Variants in DMGDH observed in about 807,000 individuals in gnomAD.
DMGDH encodes dimethylglycine dehydrogenase, mitochondrial.
DMGDH carries 76 observed loss-of-function variants against 95.2 expected under a neutral mutation model. That is an observed-to-expected ratio of 0.80 (90% confidence interval 0.66 to 0.97). The LOEUF (loss-of-function observed/expected upper bound fraction) is 0.97. Among genes scored for constraint, DMGDH ranks in the 50% least tolerant of loss-of-function variants. The probability of loss-of-function intolerance (pLI) is 0.00; values close to 1 mark genes in which losing one functional copy is unlikely to be tolerated. For synonymous variants in DMGDH, 345 were observed against 377.6 expected (o/e 0.91, Z 1.00); for missense variants, 987 against 1,055.0 (o/e 0.94, Z 0.89).
At chr5:79,033,127 G>C in intron 8 of DMGDH, 112 bp downstream of exon 8, 1 of 1,339,774 alleles carries the variant, frequency 7.5e-7, no homozygotes, top group Non-Finnish European at 1.1e-6. Context: ...ATGCTTTTTG[G>C]AGTCCCTAAC....
At chr5:79,062,193 T>G (rs1755229006) in intron 2 of DMGDH, among the ~76,000 whole-genome samples, 1 of 151,814 alleles carries the variant, frequency 6.6e-6, no homozygotes, top group Non-Finnish European at 1.5e-5. Context: ...ACCTCCTTCT[T>G]CTCCTCCTCC....
At chr5:79,009,711 C>G (rs1359506963) in intron 14 of DMGDH, among the ~76,000 whole-genome samples, 2 of 152,150 alleles carry the variant, frequency 1.3e-5, no homozygotes, top group Non-Finnish European at 2.9e-5. Flanking sequence ...GGAGGCTGCA[C>G]CTGCCCATTG....
Position 79,041,562 on chromosome 5 carries a change from T to C in DMGDH, c.1193+721A>G, listed in dbSNP as rs190409562. Among the ~76,000 whole-genome samples, 18 of 152,334 alleles carry C rather than the reference T, an allele frequency of 1.2e-4. No homozygotes were observed. The East Asian group carries it at 3.3e-3, about 28-fold the overall frequency. ...GGTGAAAAATGCAGCAGACATGTTA[T>C]ACATTTGATATTTTGAATTATCTTT... is the stretch of plus-strand genomic sequence containing the variant. On this transcript the variant is annotated intron_variant, in intron 7 of 15. Transcript: ENST00000255189.
rs1554035707 is a variant in DMGDH at position 79,033,231 on chromosome 5, T to C, written c.1363+8A>G. ...CACTTTGTAGACAACAGTACATTTG[T>C]ACCTTACCAATATTGTTGAATCCAT... On this transcript the variant is annotated splice_region_variant and intron_variant, in intron 8 of 15. Transcript: ENST00000255189. 14 of 1,614,144 alleles carry C rather than the reference T, an allele frequency of 8.7e-6. No homozygotes were observed. Among genetic ancestry groups the C allele is most frequent in the African/African-American group, 1.3e-5 (1 of 75,050 alleles).
chr5:79,003,689 C>A (rs1361797284), intron 15 of DMGDH, among the ~76,000 whole-genome samples: 1 of 152,128 alleles, frequency 6.6e-6, no homozygotes, highest in African/African-American at 2.4e-5. Flanking sequence ...GTGGCTTATT[C>A]CTGTAATCCC....
chr5:79,013,876 A>G (rs1166437622), intron 14 of DMGDH, among the ~76,000 whole-genome samples: 1 of 152,152 alleles, frequency 6.6e-6, no homozygotes. Flanking sequence ...GATGTTGCTA[A>G]ATCATTCATG....
intron 12 of DMGDH, among the ~76,000 whole-genome samples, chr5:79,027,560 A>G (rs762161634): frequency 3.0e-4 from 46 of 152,148 alleles, no homozygotes; most frequent in Non-Finnish European, 2.6e-4. Context: ...GGTCTAGAAA[A>G]ACTTAGAAGG....
intron 15 of DMGDH, among the ~76,000 whole-genome samples, chr5:79,003,495 C>T (rs1753490330): frequency 6.6e-6 from 1 of 152,174 alleles, no homozygotes; most frequent in Non-Finnish European, 1.5e-5. Flanking sequence ...ACAGTTCAAA[C>T]AGAAGAGCAA....
chr5:79,050,274 ATATATATATAT>A lies in DMGDH; in HGVS notation c.745+1002_745+1012del, dbSNP rs376295480. On this transcript the variant is annotated intron_variant, in intron 5 of 15. Transcript: ENST00000255189. ...AAAAAAAAAAAAAAAAAAAAAAAAA[ATATATATATAT>A]ATATATATATATATATACCTCAAAA... Among the ~76,000 whole-genome samples, 97 of 17,042 alleles carry A rather than the reference ATATATATATAT, an allele frequency of 5.7e-3. 1 individual carries two copies. The highest frequency in any genetic ancestry group is 0.016 in the African/African-American group (92 of 5,598). The allele number at this position is 17,042 out of a possible 152,430, so 11.2% of individuals were successfully genotyped here. A position where few individuals can be genotyped will look rare whatever the true frequency, so the allele number is the denominator to read the frequency against.
At chr5:79,004,755 G>A (rs1442607365) in intron 15 of DMGDH, among the ~76,000 whole-genome samples, 2 of 152,174 alleles carry the variant, frequency 1.3e-5, no homozygotes, top group East Asian at 3.8e-4. Context: ...ATTCCAAAAT[G>A]AGAAGGTGAT....
At chr5:79,002,903 C>T (rs1753477499) in intron 15 of DMGDH, among the ~76,000 whole-genome samples, 1 of 152,092 alleles carries the variant, frequency 6.6e-6, no homozygotes, top group African/African-American at 2.4e-5. Flanking sequence ...GAGATAGAAT[C>T]CTATAATTGG....
At chr5:79,033,501 C>A in intron 7 of DMGDH, 93 bp from the exon 8 acceptor site, 1 of 1,412,644 alleles carries the variant, frequency 7.1e-7, no homozygotes, top group South Asian at 1.2e-5. Flanking sequence ...CAAAGTTGGA[C>A]TGTTCTGTGC....
rs550961407 is a variant in DMGDH at position 79,026,525 on chromosome 5, C to G, written c.2089G>C (p.Ala697Pro). The change falls in exon 13 of 16, where the codon GCT becomes CCT. Residue 697 changes from alanine (A) to proline (P), a missense_variant. By Grantham distance (27) the Ala-to-Pro change is conservative. Coordinates refer to ENST00000255189, the MANE Select transcript of DMGDH (RefSeq NM_013391.3). ...RREDSVALYDAIMNAGQEEGI... is the reference protein window; with the variant it reads ...RREDSVALYDPIMNAGQEEGI... Reference sequence around the variant, plus strand: ...TCCTCCTGGCCTGCATTCATGATAGCGTCATACAGCGCCACAGAATCTTCT... The same window carrying G: ...TCCTCCTGGCCTGCATTCATGATAGGGTCATACAGCGCCACAGAATCTTCT... 4 of 1,614,126 alleles carry G rather than the reference C, an allele frequency of 2.5e-6. No individual in the cohort carries two copies. In the Admixed American group the frequency reaches 6.7e-5, roughly 27 times the overall value.
At chr5:79,065,841 T>A (rs962062952) in intron 1 of DMGDH, among the ~76,000 whole-genome samples, 13 of 152,140 alleles carry the variant, frequency 8.5e-5, no homozygotes, top group Non-Finnish European at 1.6e-4. Flanking sequence ...GTGATAGGAA[T>A]TTTTCAGCTC....
intron 3 of DMGDH, among the ~76,000 whole-genome samples, chr5:79,054,638 G>A (rs1462832439): frequency 1.3e-5 from 2 of 152,154 alleles, no homozygotes; most frequent in African/African-American, 4.8e-5. Flanking sequence ...GTTGAAGACA[G>A]ACAGCTAAAT....
intron 1 of DMGDH, among the ~76,000 whole-genome samples, chr5:79,065,910 T>C (rs1755365367): frequency 6.6e-6 from 1 of 152,164 alleles, no homozygotes; most frequent in Non-Finnish European, 1.5e-5. Context: ...CGAAACATCA[T>C]TATAAGGCAC....
intron 7 of DMGDH, among the ~76,000 whole-genome samples, chr5:79,039,371 T>C (rs1443400134): frequency 6.6e-6 from 1 of 152,106 alleles, no homozygotes; most frequent in Non-Finnish European, 1.5e-5. Context: ...TGGAATACTA[T>C]GCAGCCATAA....
At chr5:79,051,093 G>T (rs1754839433) in intron 5 of DMGDH, among the ~76,000 whole-genome samples, 194 bp downstream of exon 5, 1 of 151,936 alleles carries the variant, frequency 6.6e-6, no homozygotes, top group Non-Finnish European at 1.5e-5. Flanking sequence ...GGATAACCAA[G>T]GACAGAGTGA....
At chr5:79,000,731 C>A in intron 15 of DMGDH, 1 of 626,212 alleles carries the variant, frequency 1.6e-6, no homozygotes, top group South Asian at 1.5e-5. Flanking sequence ...AGAATACTTT[C>A]ACCAATATTC....
Sources: gnomAD v4.1 joint callset for allele counts (sites outside exome capture counted in the v4.1 genomes callset) on GRCh38, gnomAD v4.1.1 for gene constraint, MANE v1.5 for transcripts, NCBI Gene and HGNC (gene_info 2026-07-23, HGNC 2026-07-21) for gene names.